The following LMNB1 variants were observed in gnomAD, a reference collection of about 807,000 sequenced individuals.
The protein encoded by LMNB1 is lamin B1, also known as lamin-B1.
In LMNB1, 23 loss-of-function variants were observed where a neutral mutation model predicts 67.1. That is an observed-to-expected ratio of 0.34 (90% CI 0.25 to 0.49). LMNB1 has a LOEUF of 0.49. Ranked by LOEUF, LMNB1 falls within the 20% of genes least tolerant of loss-of-function variation. The probability of loss-of-function intolerance (pLI) is 0.99; values close to 1 mark genes in which losing one functional copy is unlikely to be tolerated. For synonymous variants in LMNB1, 281 were observed against 282.9 expected (o/e 0.99, Z 0.07); for missense variants, 634 against 746.5 (o/e 0.85, Z 1.76).
chr5:126,806,781 AT>A lies in LMNB1; in HGVS notation c.642+1098del, dbSNP rs34847891. ...ACTCACAGCATTTATAGGCGTGTAAATTTTTTTTTTTTTGAGACACGAGACC... is the reference window on the plus strand; with the variant it reads ...ACTCACAGCATTTATAGGCGTGTAAATTTTTTTTTTTTGAGACACGAGACC... On this transcript the variant is annotated intron_variant, in intron 3 of 10. Transcript: ENST00000261366. Among the ~76,000 whole-genome samples the A allele has an allele frequency of 5.5e-3, 817 of 147,826 alleles. 7 individuals are homozygous for A. Among genetic ancestry groups the A allele is most frequent in the African/African-American group, 0.017 (688 of 40,320 alleles).
intron 1 of LMNB1, among the ~76,000 whole-genome samples, chr5:126,800,982 A>ATATAATTTTTTTTTTT: frequency 1.0e-3 from 19 of 18,634 alleles, no homozygotes; most frequent in Non-Finnish European, 1.6e-3. Context: ...TATATATATA[A>ATATAATTTTTTTTTTT]TTTTTTTTTT....
At chr5:126,787,546 A>ATATATTTTTTTTTTTT in intron 1 of LMNB1, among the ~76,000 whole-genome samples, 15 of 65,574 alleles carry the variant, frequency 2.3e-4, no homozygotes, top group African/African-American at 3.9e-4. Flanking sequence ...ATATATATAT[A>ATATATTTTTTTTTTTT]TTTTTTTTTT....
chr5:126,795,403 G>C (rs1198622324), intron 1 of LMNB1, among the ~76,000 whole-genome samples: 1 of 152,128 alleles, frequency 6.6e-6, no homozygotes, highest in Non-Finnish European at 1.5e-5. Context: ...CTCCCAAAGT[G>C]CTAGGATTAC....
chr5:126,823,380 C>G (rs1455972354), intron 8 of LMNB1, among the ~76,000 whole-genome samples: 1 of 152,154 alleles, frequency 6.6e-6, no homozygotes, highest in Non-Finnish European at 1.5e-5. Flanking sequence ...AATTGGCATT[C>G]TGTGTCTTGA....
chr5:126,820,566 C>T (rs1396866216), intron 6 of LMNB1, among the ~76,000 whole-genome samples: 2 of 152,144 alleles, frequency 1.3e-5, no homozygotes, highest in African/African-American at 4.8e-5. Flanking sequence ...CACTCTGTCA[C>T]CCAGGCTAGA....
intron 1 of LMNB1, among the ~76,000 whole-genome samples, chr5:126,799,209 G>A (rs926761330): frequency 6.6e-6 from 1 of 152,024 alleles, no homozygotes; most frequent in African/African-American, 2.4e-5. Flanking sequence ...TAGTAGAGAC[G>A]GGGTTTCACC....
chr5:126,797,943 G>A (rs143331999), intron 1 of LMNB1, among the ~76,000 whole-genome samples: 5 of 152,048 alleles, frequency 3.3e-5, no homozygotes, highest in South Asian at 2.1e-4. Context: ...GAAATTAGCC[G>A]GGCGTAGTGG....
At chr5:126,819,185 G>A in intron 6 of LMNB1, 43 bp downstream of exon 6, 1 of 1,334,086 alleles carries the variant, frequency 7.5e-7, no homozygotes, top group East Asian at 2.3e-5. Context: ...TCCACTTTTT[G>A]CCTCTCACCC....
chr5:126,815,480 CTT>C (rs1308738163), intron 5 of LMNB1, among the ~76,000 whole-genome samples: 2 of 152,140 alleles, frequency 1.3e-5, no homozygotes, highest in African/African-American at 2.4e-5. Context: ...ACACCTCTAA[CTT>C]TTGTTTTTCT....
intron 1 of LMNB1, among the ~76,000 whole-genome samples, chr5:126,783,780 A>G (rs1024533693): frequency 9.9e-5 from 15 of 152,040 alleles, no homozygotes; most frequent in African/African-American, 3.4e-4. Flanking sequence ...GTTTGTATAG[A>G]TGGTGTCACC....
chr5:126,808,032 C>T (rs146062021), intron 3 of LMNB1, among the ~76,000 whole-genome samples: 4,053 of 151,748 alleles, frequency 0.027, 68 homozygotes, highest in Middle Eastern at 0.11. Flanking sequence ...CCACCATGCC[C>T]GGCTAAGTTT....
intron 6 of LMNB1, 52 bp downstream of exon 6, chr5:126,819,194 C>T: frequency 3.2e-6 from 4 of 1,238,324 alleles, no homozygotes; most frequent in Non-Finnish European, 4.6e-6. Context: ...TGCCTCTCAC[C>T]CTTTTTATTG....
At chr5:126,809,911 C>T (rs1234336776) in intron 3 of LMNB1, among the ~76,000 whole-genome samples, 2 of 152,092 alleles carry the variant, frequency 1.3e-5, no homozygotes, top group Non-Finnish European at 2.9e-5. Flanking sequence ...CCAGGCCTTT[C>T]CTTGGCTTCA....
At chr5:126,826,707 T>C (rs1489405214) in intron 9 of LMNB1, among the ~76,000 whole-genome samples, 1 of 152,162 alleles carries the variant, frequency 6.6e-6, no homozygotes, top group African/African-American at 2.4e-5. Flanking sequence ...TTAGAAATAC[T>C]ACTTCCTAAT....
rs756699174 is a variant in LMNB1 at position 126,821,071 on chromosome 5, A to G, written c.1322A>G (p.Asn441Ser). The G allele has an allele frequency of 1.3e-5, 21 of 1,613,936 alleles. No individual in the cohort carries two copies. The highest frequency in any genetic ancestry group is 1.6e-4 in the Middle Eastern group (1 of 6,084). Residue 441 changes from asparagine (N) to serine (S), a missense_variant, in exon 7 of 11, where the codon AAT (asparagine) becomes AGT (serine). Coordinates refer to ENST00000261366, the MANE Select transcript of LMNB1 (RefSeq NM_005573.4). Reference sequence around the variant, plus strand: ...TCTCATTCCGCCTCAGCCACTGGAAATGTTTGCATCGAAGAAATTGATGTT... The same window carrying G: ...TCTCATTCCGCCTCAGCCACTGGAAGTGTTTGCATCGAAGAAATTGATGTT... ...SISHSASATG[N>S]VCIEEIDVDG...
At chr5:126,795,294 C>T (rs1010856347) in intron 1 of LMNB1, among the ~76,000 whole-genome samples, 25 of 152,206 alleles carry the variant, frequency 1.6e-4, no homozygotes, top group African/African-American at 5.8e-4. Context: ...CAGGCCACTA[C>T]TCCCAGCTAA....
intron 5 of LMNB1, among the ~76,000 whole-genome samples, chr5:126,817,462 T>C (rs1165192579): frequency 6.6e-6 from 1 of 152,212 alleles, no homozygotes; most frequent in Non-Finnish European, 1.5e-5. Flanking sequence ...TTATGTATGC[T>C]AACCCATGTG....
In LMNB1 at chr5:126,809,722, T is replaced by A. The variant is rs1319672808; in HGVS notation, c.643-458T>A. Among the ~76,000 whole-genome samples the A allele has an allele frequency of 4.0e-5, 6 of 149,722 alleles. No homozygotes were observed. In the East Asian group the frequency reaches 9.8e-4, roughly 24 times the overall value. On this transcript the variant is annotated intron_variant, in intron 3 of 10. Coordinates refer to ENST00000261366, the MANE Select transcript of LMNB1 (RefSeq NM_005573.4). Reference sequence around the variant, plus strand: ...AGAAAAGAAAAGAAAATAGTTTCATTTCACATAAATCTTTACATGAATTTA... The same window carrying A: ...AGAAAAGAAAAGAAAATAGTTTCATATCACATAAATCTTTACATGAATTTA...
intron 1 of LMNB1, among the ~76,000 whole-genome samples, chr5:126,795,474 G>T (rs796406775): frequency 1.6e-4 from 24 of 152,126 alleles, no homozygotes; most frequent in African/African-American, 5.8e-4. Flanking sequence ...GTTATTGCAG[G>T]CCTGGAATGA....
Sources: gnomAD v4.1 joint callset for allele counts (sites outside exome capture counted in the v4.1 genomes callset) on GRCh38, gnomAD v4.1.1 for gene constraint, MANE v1.5 for transcripts, NCBI Gene and HGNC (gene_info 2026-07-23, HGNC 2026-07-21) for gene names.